The following SGCZ variants were observed in gnomAD, a reference collection of about 807,000 sequenced individuals.
The protein encoded by SGCZ is zeta-sarcoglycan.
A neutral mutation model predicts 41.3 loss-of-function variants in SGCZ; 40 were observed. That is an observed-to-expected ratio of 0.97 (90% CI 0.75 to 1.26). The LOEUF (loss-of-function observed/expected upper bound fraction) is 1.26, where lower values mean the gene tolerates loss of function less well. Among genes scored for constraint, SGCZ ranks in the 50% most tolerant of loss-of-function variants. The probability of loss-of-function intolerance (pLI) is 0.00; values close to 1 mark genes in which losing one functional copy is unlikely to be tolerated. For synonymous variants in SGCZ, 206 were observed against 137.5 expected (o/e 1.50, Z -3.49); for missense variants, 552 against 369.8 (o/e 1.49, Z -4.04).
At chr8:14,614,347 C>T (rs573296849) in intron 1 of SGCZ, among the ~76,000 whole-genome samples, 3 of 152,160 alleles carry the variant, frequency 2.0e-5, no homozygotes, top group South Asian at 2.1e-4. Context: ...CCCATATCAA[C>T]CGCCTATAAA....
chr8:14,385,459 C>A (rs1167891647), intron 2 of SGCZ, among the ~76,000 whole-genome samples: 1 of 152,182 alleles, frequency 6.6e-6, no homozygotes. Flanking sequence ...TCACTGGCCA[C>A]TTAGTCTACC....
intron 1 of SGCZ, among the ~76,000 whole-genome samples, chr8:15,087,403 C>A (rs1303909328): frequency 6.6e-6 from 1 of 152,040 alleles, no homozygotes; most frequent in Non-Finnish European, 1.5e-5. Context: ...CGTCAATATC[C>A]CTGCTATAAA....
chr8:14,258,429 A>G (rs1242164885), intron 3 of SGCZ, among the ~76,000 whole-genome samples: 1 of 152,178 alleles, frequency 6.6e-6, no homozygotes, highest in South Asian at 2.1e-4. Context: ...AGTCAAAATC[A>G]TACTGCAAAA....
intron 1 of SGCZ, among the ~76,000 whole-genome samples, chr8:15,188,170 A>C (rs1800408426): frequency 6.6e-6 from 1 of 152,068 alleles, no homozygotes; most frequent in South Asian, 2.1e-4. Context: ...ATCATAGTTC[A>C]TTCATTGGAG....
chr8:14,240,021 A>G (rs1368456087), intron 3 of SGCZ, among the ~76,000 whole-genome samples: 4 of 151,870 alleles, frequency 2.6e-5, no homozygotes, highest in Non-Finnish European at 5.9e-5. Flanking sequence ...AAAGAGAAAT[A>G]GACTTGTTAG....
intron 1 of SGCZ, among the ~76,000 whole-genome samples, chr8:14,574,622 T>C (rs75322091): frequency 0.014 from 2,122 of 152,268 alleles, 46 homozygotes; most frequent in African/African-American, 0.045. Context: ...TCCTCCTTTA[T>C]TGAACCTAAG....
chr8:14,722,594 C>G (rs1014698363), intron 1 of SGCZ, among the ~76,000 whole-genome samples: 11 of 151,428 alleles, frequency 7.3e-5, no homozygotes, highest in African/African-American at 2.7e-4. Flanking sequence ...AAGGAAAACA[C>G]AAGAAATGAG....
At position 15,148,698 on chromosome 8, in the gene SGCZ, G is replaced by T. The variant is rs142471431; in HGVS notation, c.39+88887C>A. ...CTTCACCCTTTCAAGTTTCTCAGGTGACACTGATACGAGTTCTCCAAGCAA... is the reference window on the plus strand; with the variant it reads ...CTTCACCCTTTCAAGTTTCTCAGGTTACACTGATACGAGTTCTCCAAGCAA... On this transcript the variant is annotated intron_variant, in intron 1 of 7. Transcript: ENST00000382080. Among the ~76,000 whole-genome samples, 175 of 152,296 alleles carry T rather than the reference G, an allele frequency of 1.1e-3. 1 individual carries two copies. The highest frequency in any genetic ancestry group is 4.1e-3 in the African/African-American group (169 of 41,558).
chr8:15,113,173 C>T (rs1307954714), intron 1 of SGCZ, among the ~76,000 whole-genome samples: 1 of 148,734 alleles, frequency 6.7e-6, no homozygotes, highest in Non-Finnish European at 1.5e-5. Flanking sequence ...CACGCCACTG[C>T]ACTCTAGCCT....
chr8:14,123,345 C>T (rs186899685), intron 5 of SGCZ, among the ~76,000 whole-genome samples: 96 of 152,208 alleles, frequency 6.3e-4, no homozygotes, highest in African/African-American at 2.2e-3. Flanking sequence ...TGCAATGAAA[C>T]ATAAATTATT....
intron 2 of SGCZ, among the ~76,000 whole-genome samples, chr8:14,445,619 G>C (rs2117383479): frequency 6.6e-6 from 1 of 152,202 alleles, no homozygotes; most frequent in Middle Eastern, 3.4e-3. Flanking sequence ...CACCCTTTGA[G>C]AATCCCATGC....
At chr8:14,207,131 G>C (rs766808652) in intron 4 of SGCZ, among the ~76,000 whole-genome samples, 1 of 14,444 alleles carries the variant, frequency 6.9e-5, no homozygotes, top group South Asian at 5.2e-3. Flanking sequence ...TTCAAGAAAG[G>C]GTAGAGGGTG....
intron 2 of SGCZ, among the ~76,000 whole-genome samples, chr8:14,511,086 A>G (rs1206282125): frequency 2.0e-5 from 3 of 152,092 alleles, no homozygotes; most frequent in South Asian, 4.1e-4. Context: ...TGAATTTAGG[A>G]TGAATTATGT....
intron 2 of SGCZ, among the ~76,000 whole-genome samples, chr8:14,512,471 A>G (rs1332054182): frequency 6.6e-6 from 1 of 151,964 alleles, no homozygotes; most frequent in African/African-American, 2.4e-5. Flanking sequence ...TTATTTATTT[A>G]TATTTTAGAG....
At chr8:14,604,819 G>C (rs1219247386) in intron 1 of SGCZ, among the ~76,000 whole-genome samples, 3 of 152,176 alleles carry the variant, frequency 2.0e-5, no homozygotes, top group South Asian at 4.1e-4. Context: ...GTCACTGTTA[G>C]ACACCACAGC....
At chr8:14,831,795 C>CACATACATGTATATATGTGTGT in intron 1 of SGCZ, among the ~76,000 whole-genome samples, 1 of 125,852 alleles carries the variant, frequency 7.9e-6, no homozygotes, top group African/African-American at 4.0e-5. Flanking sequence ...TATGTGTGTA[C>CACATACATGTATATATGTGTGT]ACATACATGT....
At chr8:14,986,390 G>C (rs1801826080) in intron 1 of SGCZ, among the ~76,000 whole-genome samples, 1 of 151,994 alleles carries the variant, frequency 6.6e-6, no homozygotes, top group African/African-American at 2.4e-5. Context: ...TAAATGGAAG[G>C]CAATTTGACT....
At chr8:14,250,510 G>A (rs1799247657) in intron 3 of SGCZ, among the ~76,000 whole-genome samples, 1 of 152,090 alleles carries the variant, frequency 6.6e-6, no homozygotes, top group Admixed American at 6.6e-5. Flanking sequence ...TTACAGGCCT[G>A]CACTATAAAA....
At chr8:14,702,739 A>AGAT (rs1563212684) in intron 1 of SGCZ, among the ~76,000 whole-genome samples, 1 of 76,652 alleles carries the variant, frequency 1.3e-5, no homozygotes, top group African/African-American at 3.1e-5. Context: ...AATGATAGAT[A>AGAT]GATAGATAGA....
Sources: allele counts gnomAD v4.1 joint callset (sites outside exome capture counted in the v4.1 genomes callset), GRCh38; gene constraint gnomAD v4.1.1; transcripts MANE v1.5; gene names NCBI Gene and HGNC (gene_info 2026-07-23, HGNC 2026-07-21).